The following PACS1 variants were observed in gnomAD, a reference collection of about 807,000 sequenced individuals.
PACS1 encodes phosphofurin acidic cluster sorting protein 1.
Under a neutral mutation model 115.0 loss-of-function variants are expected in PACS1, and 24 were observed. That is an observed-to-expected ratio of 0.21 (90% CI 0.15 to 0.29). The LOEUF is 0.29. PACS1 is among the 10% of genes least tolerant of loss of function. PACS1 has a pLI of 1.00. For synonymous variants in PACS1, 453 were observed against 504.5 expected, an observed-to-expected ratio of 0.90 and a Z score of 1.37; for missense variants, 838 against 1,251.2, an observed-to-expected ratio of 0.67 and a Z score of 4.98.
intron 1 of PACS1, among the ~76,000 whole-genome samples, chr11:66,172,974 C>CA (rs10684950): frequency 0.061 from 5,396 of 88,080 alleles, 362 homozygotes; most frequent in African/African-American, 0.17. Context: ...GACTCTGTCT[C>CA]AAAAAAAAAA....
In PACS1 at chr11:66,233,093, G is replaced by T. The variant is rs1296992425; in HGVS notation, c.1838+27G>T. On this transcript the variant is annotated intron_variant, in intron 15 of 23. Transcript: ENST00000320580. This position sits in a 1 kb window ranked among gnomAD's most constrained non-coding sequence, Gnocchi z 4.5. ...TAAGGGCTCTGGCCTCCCTTCTCCT[G>T]CCCTTAGAGATTCCCTCTGACCTCA... The T allele has an allele frequency of 1.3e-6, 2 of 1,514,502 alleles. No homozygotes were observed. The highest frequency in any genetic ancestry group is 2.7e-5 in the African/African-American group (2 of 73,204). 93.8% of individuals were successfully genotyped at this position (1,514,502 alleles called of 1,614,324 possible).
chr11:66,118,702 C>T (rs1055513206), intron 1 of PACS1, among the ~76,000 whole-genome samples: 4 of 137,692 alleles, frequency 2.9e-5, no homozygotes, highest in South Asian at 2.2e-4. Flanking sequence ...TGAAGTGGAC[C>T]AATCACCTGA....
Position 66,221,198 on chromosome 11 carries a change from T to C in PACS1, c.1244T>C (p.Ile415Thr). The change falls in exon 10 of 24, where the codon ATT (isoleucine) becomes ACT (threonine). Residue 415 changes from isoleucine (I) to threonine (T), a missense_variant. Physicochemically the swap from Ile to Thr is moderately conservative, Grantham distance 89 (BLOSUM62 -1). Coordinates refer to ENST00000320580, the MANE Select transcript of PACS1 (RefSeq NM_018026.4). ...TCGCAGTCCAGCTCCCAGACGGAGA[T>C]TGGCAGCCTCAACAGCAAAGGCAGC... ...GMSQSSSQTE[I>T]GSLNSKGSLG... 6.2e-7 allele frequency: 1 copy of C among 1,614,154 alleles called. No homozygotes were observed.
At chr11:66,172,961 C>T (rs1324111695) in intron 1 of PACS1, among the ~76,000 whole-genome samples, 5 of 129,998 alleles carry the variant, frequency 3.8e-5, no homozygotes, top group African/African-American at 9.3e-5. Flanking sequence ...GGTGACACAG[C>T]GAGACTCTGT....
At chr11:66,090,271 C>CTTTTTT (rs930565654) in intron 1 of PACS1, among the ~76,000 whole-genome samples, 106 of 109,352 alleles carry the variant, frequency 9.7e-4, no homozygotes, top group East Asian at 1.3e-3. Flanking sequence ...TCTTTCCTTT[C>CTTTTTT]TTTTTTTTTT....
chr11:66,098,438 A>G (rs561199), intron 1 of PACS1, among the ~76,000 whole-genome samples: 150,186 of 152,254 alleles, frequency 0.99, 74,098 homozygotes, highest in Middle Eastern at 1. Flanking sequence ...ACTCTATTGT[A>G]CTATTTCTCT....
intron 1 of PACS1, among the ~76,000 whole-genome samples, chr11:66,171,605 A>C (rs1859738638): frequency 6.7e-6 from 1 of 148,928 alleles, no homozygotes; most frequent in South Asian, 2.1e-4. Context: ...TTTGAAACGG[A>C]GTCTCGCTCT....
Position 66,071,859 on chromosome 11 carries a change from A to G in PACS1, c.356+1017A>G, listed in dbSNP as rs146700088. On this transcript the variant is annotated intron_variant, in intron 1 of 23. Transcript: ENST00000320580. Reference sequence around the variant, plus strand: ...CCCCCTCGACTGTCTTCCTTTCCCCACCTTTATTCTGGATAATATTGTTTT... The same window carrying G: ...CCCCCTCGACTGTCTTCCTTTCCCCGCCTTTATTCTGGATAATATTGTTTT... Among the ~76,000 whole-genome samples the G allele has an allele frequency of 1.9e-3, 288 of 152,038 alleles. 1 individual carries two copies. The highest frequency in any genetic ancestry group is 6.8e-3 in the African/African-American group (283 of 41,446).
intron 1 of PACS1, among the ~76,000 whole-genome samples, chr11:66,090,022 A>AG (rs1209923023): frequency 4.6e-5 from 7 of 150,956 alleles, no homozygotes; most frequent in Non-Finnish European, 8.9e-5. Context: ...AAAAAAAAAA[A>AG]AAAGAAATGC....
At position 66,210,016 on chromosome 11, in the gene PACS1, AT is replaced by A. The variant is rs897172721; in HGVS notation, c.445-336del. On this transcript the variant is annotated intron_variant, in intron 2 of 23. Coordinates refer to ENST00000320580, the MANE Select transcript of PACS1 (RefSeq NM_018026.4). ...ATTTTTGGTGACACAGCTTTGACAG[AT>A]TTTTTTTTTCTTTTTATTATTGATA... is the stretch of plus-strand genomic sequence containing the variant. 1.7e-4 allele frequency among the ~76,000 whole-genome samples: 25 copies of A among 148,242 alleles called. No homozygotes were observed. The Middle Eastern group carries it at 0.014, about 82-fold the overall frequency.
intron 1 of PACS1, among the ~76,000 whole-genome samples, chr11:66,184,594 T>C (rs916978128): frequency 6.6e-6 from 1 of 152,216 alleles, no homozygotes; most frequent in Non-Finnish European, 1.5e-5. Flanking sequence ...TCAGACTTAG[T>C]CTAATGAGAG....
chr11:66,144,614 A>G (rs1714590671), intron 1 of PACS1, among the ~76,000 whole-genome samples: 1 of 152,202 alleles, frequency 6.6e-6, no homozygotes, highest in South Asian at 2.1e-4. Flanking sequence ...TTAGAAAGAC[A>G]ACTGGTGTGA....
intron 1 of PACS1, among the ~76,000 whole-genome samples, chr11:66,174,526 T>A (rs1565134170): frequency 6.6e-6 from 1 of 152,204 alleles, no homozygotes; most frequent in African/African-American, 2.4e-5. Flanking sequence ...CACTCAAGTG[T>A]CCACCAACTT....
At chr11:66,199,270 G>A (rs1362386639) in intron 2 of PACS1, among the ~76,000 whole-genome samples, 5 of 147,264 alleles carry the variant, frequency 3.4e-5, no homozygotes, top group African/African-American at 1.0e-4. Flanking sequence ...AGCCGAGATC[G>A]CACCACTGCA....
chr11:66,088,206 A>G (rs1043811120), intron 1 of PACS1, among the ~76,000 whole-genome samples: 2 of 151,952 alleles, frequency 1.3e-5, no homozygotes, highest in Admixed American at 6.6e-5. Context: ...GACGATATCA[A>G]GCAACCTTTT....
In PACS1 at chr11:66,075,979, C is replaced by T. The variant is rs569615511; in HGVS notation, c.356+5137C>T. Among the ~76,000 whole-genome samples, 6 of 152,202 alleles carry T rather than the reference C, an allele frequency of 3.9e-5. No individual in the cohort carries two copies. The South Asian group carries it at 8.3e-4, about 21-fold the overall frequency. ...CTCTCGATCTCCTGACCTCGTGATCCACCTGCCTTGGCCTTCCAAAGTGCT... is the reference window on the plus strand; with the variant it reads ...CTCTCGATCTCCTGACCTCGTGATCTACCTGCCTTGGCCTTCCAAAGTGCT... On this transcript the variant is annotated intron_variant, in intron 1 of 23. Coordinates refer to ENST00000320580, the MANE Select transcript of PACS1 (RefSeq NM_018026.4).
chr11:66,210,313 GGCACAA>G (rs1209230040), intron 2 of PACS1, 43 bp from the exon 3 acceptor site: 2 of 1,449,186 alleles, frequency 1.4e-6, no homozygotes, highest in East Asian at 4.5e-5. Context: ...TGGGATTACT[GGCACAA>G]GCCACTGCAC....
chr11:66,118,476 G>T (rs1477352438), intron 1 of PACS1, among the ~76,000 whole-genome samples: 2 of 152,116 alleles, frequency 1.3e-5, no homozygotes, highest in African/African-American at 2.4e-5. Context: ...GCCAGATGTG[G>T]TTGTGTGCAC....
At chr11:66,079,061 C>T (rs1478084202) in intron 1 of PACS1, among the ~76,000 whole-genome samples, 2 of 152,190 alleles carry the variant, frequency 1.3e-5, no homozygotes, top group Non-Finnish European at 2.9e-5. Context: ...GTGCATACCA[C>T]CATGCCCGAC....
Sources: gnomAD v4.1 joint callset for allele counts (sites outside exome capture counted in the v4.1 genomes callset) on GRCh38, gnomAD v4.1.1 for gene constraint, Gnocchi (gnomAD v3.1) non-coding constraint, MANE v1.5 for transcripts, NCBI Gene and HGNC (gene_info 2026-07-23, HGNC 2026-07-21) for gene names.